Variants in RBFOX1 observed in about 807,000 individuals in gnomAD.
RBFOX1 encodes RNA binding protein fox-1 homolog 1.
Under a neutral mutation model 57.7 loss-of-function variants are expected in RBFOX1, and 8 were observed. That is an observed-to-expected ratio of 0.14 (90% CI 0.08 to 0.25). The LOEUF (loss-of-function observed/expected upper bound fraction) is 0.25. Ranked by LOEUF, RBFOX1 falls within the 10% of genes least tolerant of loss-of-function variation. The probability of loss-of-function intolerance (pLI) is 1.00; values close to 1 mark genes in which losing one functional copy is unlikely to be tolerated. For synonymous variants in RBFOX1, 326 were observed against 222.4 expected (o/e 1.47, Z -4.15); for missense variants, 611 against 548.5 (o/e 1.11, Z -1.14).
intron 4 of RBFOX1, among the ~76,000 whole-genome samples, chr16:7,347,738 A>G (rs1047907248): frequency 6.6e-6 from 1 of 152,116 alleles, no homozygotes; most frequent in South Asian, 2.1e-4. Flanking sequence ...AACCTATCGT[A>G]TGTCTCAATC....
chr16:6,731,611 G>T (rs2068616760), intron 3 of RBFOX1, among the ~76,000 whole-genome samples: 1 of 152,094 alleles, frequency 6.6e-6, no homozygotes, highest in African/African-American at 2.4e-5. Context: ...CTTAACTAAT[G>T]GCTCTTGGGA....
rs2098453581 is a variant in RBFOX1 at position 6,637,446 on chromosome 16, A to ATTATAT, written c.-63-17157_-63-17156insTTATAT. 5.5e-5 allele frequency among the ~76,000 whole-genome samples: 2 copies of ATTATAT among 36,376 alleles called. 1 individual carries two copies. The highest frequency in any genetic ancestry group is 1.3e-4 in the African/African-American group (2 of 15,012). The allele number at this position is 36,376 out of a possible 152,430, so 23.9% of individuals were successfully genotyped here. The stretch of plus-strand genomic sequence containing the variant: ...ATAAATATATTATATAAATATATGT[A>ATTATAT]AATGTATATAATATGTATTATATAT... On this transcript the variant is annotated intron_variant, in intron 2 of 15. Transcript: ENST00000550418.
intron 4 of RBFOX1, among the ~76,000 whole-genome samples, chr16:7,085,482 T>C (rs894811379): frequency 6.6e-6 from 1 of 152,228 alleles, no homozygotes; most frequent in Admixed American, 6.5e-5. Flanking sequence ...GGGTATTTGC[T>C]GGCATGGATT....
At chr16:7,346,379 G>A (rs2097006801) in intron 4 of RBFOX1, among the ~76,000 whole-genome samples, 1 of 151,816 alleles carries the variant, frequency 6.6e-6, no homozygotes, top group Non-Finnish European at 1.5e-5. Context: ...TTAGTATTTG[G>A]TTCTAGCAAG....
intron 1 of RBFOX1, among the ~76,000 whole-genome samples, chr16:6,116,708 T>A (rs1312988536): frequency 6.6e-6 from 1 of 152,164 alleles, no homozygotes; most frequent in South Asian, 2.1e-4. Flanking sequence ...CAAGTCTGAG[T>A]TGGGCTTCTT....
intron 4 of RBFOX1, among the ~76,000 whole-genome samples, chr16:7,235,738 T>C (rs1317773843): frequency 2.6e-5 from 4 of 152,196 alleles, no homozygotes; most frequent in African/African-American, 9.7e-5. Flanking sequence ...AATTTATATA[T>C]TAAGGGTTGA....
intron 3 of RBFOX1, among the ~76,000 whole-genome samples, chr16:5,750,917 G>A (rs1044821971): frequency 6.6e-6 from 1 of 152,166 alleles, no homozygotes; most frequent in African/African-American, 2.4e-5. Flanking sequence ...ACCCGGTACT[G>A]GGAAATTCAG....
chr16:6,648,042 T>C (rs1209916140), intron 2 of RBFOX1, among the ~76,000 whole-genome samples: 1 of 151,930 alleles, frequency 6.6e-6, no homozygotes, highest in African/African-American at 2.4e-5. Context: ...GGGGTTTCAT[T>C]TTCTTGCCCA....
intron 1 of RBFOX1, among the ~76,000 whole-genome samples, chr16:6,121,562 A>G (rs1299644136): frequency 6.6e-6 from 1 of 152,042 alleles, no homozygotes; most frequent in Non-Finnish European, 1.5e-5. Context: ...GTGTCACTCC[A>G]TTTGCTTGTA....
At chr16:6,832,134 A>G (rs57463788) in intron 3 of RBFOX1, among the ~76,000 whole-genome samples, 1,862 of 152,326 alleles carry the variant, frequency 0.012, 44 homozygotes, top group African/African-American at 0.042. Flanking sequence ...CTGATATTTC[A>G]AAGCCTGCGA....
intron 4 of RBFOX1, among the ~76,000 whole-genome samples, chr16:7,246,556 C>G (rs574514252): frequency 1.3e-5 from 2 of 151,812 alleles, no homozygotes; most frequent in East Asian, 1.9e-4. Context: ...TCCTTTTCCA[C>G]AAACGCCAAG....
At chr16:6,959,499 T>C (rs527806556) in intron 3 of RBFOX1, among the ~76,000 whole-genome samples, 1 of 150,944 alleles carries the variant, frequency 6.6e-6, no homozygotes, top group South Asian at 2.1e-4. Context: ...TCTTTTTTTA[T>C]TTTTTATTTT....
At chr16:7,343,453 G>A (rs1408948735) in intron 4 of RBFOX1, among the ~76,000 whole-genome samples, 1 of 152,150 alleles carries the variant, frequency 6.6e-6, no homozygotes, top group African/African-American at 2.4e-5. Context: ...TTGACCAACA[G>A]TACAAGGGCT....
chr16:7,265,972 T>TTG (rs2095119940), intron 4 of RBFOX1, among the ~76,000 whole-genome samples: 1 of 135,116 alleles, frequency 7.4e-6, no homozygotes, highest in African/African-American at 2.9e-5. Context: ...TTGTTTTTTT[T>TTG]TTTTTTTTTT....
chr16:6,646,190 G>C (rs1339902243), intron 2 of RBFOX1, among the ~76,000 whole-genome samples: 1 of 152,044 alleles, frequency 6.6e-6, no homozygotes, highest in Non-Finnish European at 1.5e-5. Flanking sequence ...GGTCAGGTCG[G>C]AACCCACCCA....
At chr16:7,148,299 T>G (rs1002967308) in intron 4 of RBFOX1, among the ~76,000 whole-genome samples, 1 of 152,242 alleles carries the variant, frequency 6.6e-6, no homozygotes, top group African/African-American at 2.4e-5. Context: ...AAAGGAGTTT[T>G]CCTTTCAATG....
intron 3 of RBFOX1, among the ~76,000 whole-genome samples, chr16:6,898,344 G>A (rs1052772593): frequency 2.8e-4 from 42 of 152,144 alleles, no homozygotes; most frequent in Non-Finnish European, 1.0e-4. Context: ...GGGGGGTGAG[G>A]AGAGCAGTCA....
chr16:7,339,625 A>G (rs1328083571), intron 4 of RBFOX1, among the ~76,000 whole-genome samples: 2 of 152,140 alleles, frequency 1.3e-5, no homozygotes, highest in Non-Finnish European at 2.9e-5. Flanking sequence ...TTTTTAGTAA[A>G]GACAGGGTTT....
In RBFOX1 at chr16:7,425,344, T is replaced by G. The variant is rs553038387; in HGVS notation, c.28-92803T>G. 3.3e-5 allele frequency among the ~76,000 whole-genome samples: 5 copies of G among 152,296 alleles called. No individual in the cohort carries two copies. In the East Asian group the frequency reaches 9.7e-4, roughly 29 times the overall value. ...TTTGATGAGTAATAGTTGAGTTGACTTTTACCTACGAGTTACCTTCTCCAC... is the reference window on the plus strand; with the variant it reads ...TTTGATGAGTAATAGTTGAGTTGACGTTTACCTACGAGTTACCTTCTCCAC... On this transcript the variant is annotated intron_variant, in intron 4 of 15. Coordinates refer to ENST00000550418, the MANE Select transcript of RBFOX1 (RefSeq NM_018723.4).
Sources: allele counts gnomAD v4.1 joint callset (sites outside exome capture counted in the v4.1 genomes callset), GRCh38; gene constraint gnomAD v4.1.1; transcripts MANE v1.5; gene names NCBI Gene and HGNC (gene_info 2026-07-23, HGNC 2026-07-21).